NAV3: variants seen among roughly 807,000 people sequenced by gnomAD.
The protein encoded by NAV3 is pore membrane and/or filament interacting like protein 1.
Under a neutral mutation model 244.7 loss-of-function variants are expected in NAV3, and 87 were observed. The ratio of observed to expected loss-of-function variants is 0.36; its 90% CI spans 0.30 to 0.42. The LOEUF (loss-of-function observed/expected upper bound fraction) is 0.42. NAV3 is among the 20% of genes least tolerant of loss of function. The probability of loss-of-function intolerance (pLI) is 1.00; values close to 1 mark genes in which losing one functional copy is unlikely to be tolerated. For missense variants in NAV3, 2,663 were observed against 2,893.3 expected, an observed-to-expected ratio of 0.92 and a Z score of 1.83; for synonymous variants, 1,126 against 1,042.2, an observed-to-expected ratio of 1.08 and a Z score of -1.55.
At chr12:78,029,524 T>C (rs188606659) in intron 9 of NAV3, among the ~76,000 whole-genome samples, 49 of 152,288 alleles carry the variant, frequency 3.2e-4, no homozygotes, top group African/African-American at 1.1e-3. Context: ...AGCAGATGAC[T>C]CTGGGGTAAA....
At chr12:77,641,087 C>T (rs1192170364) in intron 2 of NAV3, among the ~76,000 whole-genome samples, 2 of 152,058 alleles carry the variant, frequency 1.3e-5, no homozygotes, top group African/African-American at 2.4e-5. Flanking sequence ...CATTCCTATG[C>T]CTCTCTGGGC....
At chr12:78,104,448 T>C (rs1954699232) in intron 12 of NAV3, among the ~76,000 whole-genome samples, 1 of 152,218 alleles carries the variant, frequency 6.6e-6, no homozygotes, top group Admixed American at 6.5e-5. Flanking sequence ...CAAAAGTCCT[T>C]GAATGTATAA....
At position 77,963,530 on chromosome 12, in the gene NAV3, A is replaced by T. The variant is rs183409170; in HGVS notation, c.415-2699A>T. 5.0e-4 allele frequency among the ~76,000 whole-genome samples: 76 copies of T among 152,320 alleles called. 1 individual carries two copies. The East Asian group carries it at 0.011, about 21-fold the overall frequency. On this transcript the variant is annotated intron_variant, in intron 3 of 39. Transcript: ENST00000397909. ...TGAAAGTCATGTTTATTATGCTGAT[A>T]CATTGTGAGAAAATAAATTTTGGTA...
intron 1 of NAV3, among the ~76,000 whole-genome samples, chr12:77,897,900 T>C (rs1464085830): frequency 6.6e-6 from 1 of 152,196 alleles, no homozygotes; most frequent in Non-Finnish European, 1.5e-5. Flanking sequence ...TCTCATAGTC[T>C]TTTGTTTCTT....
chr12:77,667,529 A>G (rs926401291), intron 2 of NAV3, among the ~76,000 whole-genome samples: 3 of 152,044 alleles, frequency 2.0e-5, no homozygotes, highest in Non-Finnish European at 4.4e-5. Context: ...AGGCAGCCAT[A>G]ATACCACTGG....
At chr12:77,884,284 C>A (rs1282846754) in intron 1 of NAV3, among the ~76,000 whole-genome samples, 3 of 152,022 alleles carry the variant, frequency 2.0e-5, no homozygotes, top group Non-Finnish European at 4.4e-5. Context: ...GATTGATTGA[C>A]AGATAGATTG....
At chr12:77,847,276 T>C (rs1876799956) in intron 1 of NAV3, among the ~76,000 whole-genome samples, 1 of 152,230 alleles carries the variant, frequency 6.6e-6, no homozygotes, top group Admixed American at 6.5e-5. Flanking sequence ...TTCAAAAATA[T>C]GTTTTTAAAG....
At chr12:77,601,909 G>A (rs1565732308) in intron 2 of NAV3, among the ~76,000 whole-genome samples, 1 of 151,948 alleles carries the variant, frequency 6.6e-6, no homozygotes, top group Non-Finnish European at 1.5e-5. Context: ...TTGAAGGTAG[G>A]GGATGAAGTT....
chr12:77,662,145 T>A (rs1873479588), intron 2 of NAV3, among the ~76,000 whole-genome samples: 1 of 151,972 alleles, frequency 6.6e-6, no homozygotes, highest in Non-Finnish European at 1.5e-5. Flanking sequence ...GAGAATGACA[T>A]CTTAACGATA....
At chr12:78,114,782 C>A (rs757668675) in intron 12 of NAV3, among the ~76,000 whole-genome samples, 1 of 151,934 alleles carries the variant, frequency 6.6e-6, no homozygotes, top group Non-Finnish European at 1.5e-5. Context: ...ATTTGAGCAA[C>A]CACAAATGAC....
rs556315989 is a variant in NAV3, at chr12:77,780,523, G to T, written c.73-159796G>T. 7.9e-5 allele frequency among the ~76,000 whole-genome samples: 12 copies of T among 152,254 alleles called. No individual in the cohort carries two copies. The East Asian group carries it at 2.1e-3, about 27-fold the overall frequency. On this transcript the variant is annotated intron_variant, in intron 2 of 8. Coordinates refer to the NAV3 transcript ENST00000550042. The stretch of plus-strand genomic sequence containing the variant: ...TTGTTTCAACCCCACTGAAACAAAA[G>T]GCAGGAGAGGTTTTAAGCTCAGATG...
intron 39 of NAV3, 53 bp from the exon 40 acceptor site, chr12:78,210,345 C>G (rs1043244148): frequency 1.2e-6 from 2 of 1,608,234 alleles, no homozygotes; most frequent in African/African-American, 1.3e-5. Flanking sequence ...TTTTTATGGG[C>G]TGGCTTACTC....
At chr12:77,688,723 G>C (rs1874870218) in intron 2 of NAV3, among the ~76,000 whole-genome samples, 3 of 151,872 alleles carry the variant, frequency 2.0e-5, no homozygotes. Flanking sequence ...GTGTAAATGA[G>C]AGTTAGATTG....
intron 1 of NAV3, among the ~76,000 whole-genome samples, chr12:77,912,751 C>T (rs1387574155): frequency 7.9e-5 from 12 of 152,042 alleles, no homozygotes; most frequent in African/African-American, 2.2e-4. Context: ...CTGCCTCAGC[C>T]TCCCAAGTAG....
intron 2 of NAV3, among the ~76,000 whole-genome samples, chr12:77,812,598 A>T (rs1032010151): frequency 5.3e-5 from 8 of 151,786 alleles, no homozygotes; most frequent in Non-Finnish European, 1.2e-4. Context: ...TCTCGTTAGT[A>T]GAGATGAGGT....
At chr12:78,209,579 G>A (rs1960688979) in intron 39 of NAV3, among the ~76,000 whole-genome samples, 1 of 151,274 alleles carries the variant, frequency 6.6e-6, no homozygotes, top group South Asian at 2.1e-4. Context: ...TCTAACAGTG[G>A]AGCTCCAGAT....
At chr12:78,044,923 CT>C (rs1881509996) in intron 9 of NAV3, among the ~76,000 whole-genome samples, 1 of 152,162 alleles carries the variant, frequency 6.6e-6, no homozygotes, top group Non-Finnish European at 1.5e-5. Context: ...CACTTTATTT[CT>C]TTCTCTTGCC....
In NAV3 at chr12:78,074,015, T is replaced by A. The variant is rs1316138783; in HGVS notation, c.2636+14900T>A. Among the ~76,000 whole-genome samples, 3 of 152,206 alleles carry A rather than the reference T, an allele frequency of 2.0e-5. No homozygotes were observed. In the East Asian group the frequency reaches 5.8e-4, roughly 29 times the overall value. Reference sequence around the variant, plus strand: ...GTACAAATATATTATTGAAAAAATGTCTTAAATGTAGAAATATGTAAAGTC... The same window carrying A: ...GTACAAATATATTATTGAAAAAATGACTTAAATGTAGAAATATGTAAAGTC... On this transcript the variant is annotated intron_variant, in intron 12 of 39. Coordinates refer to ENST00000397909, the MANE Select transcript of NAV3 (RefSeq NM_001024383.2).
Position 77,659,625 on chromosome 12 carries a change from A to T in NAV3, c.72+87359A>T, listed in dbSNP as rs140305807. On this transcript the variant is annotated intron_variant, in intron 2 of 8. Transcript: ENST00000550042. Reference sequence around the variant, plus strand: ...CCATTACTGGGTATATACCCAAAGGACTATAAATCATACTGCTATAAAGAC... The same window carrying T: ...CCATTACTGGGTATATACCCAAAGGTCTATAAATCATACTGCTATAAAGAC... Among the ~76,000 whole-genome samples the T allele has an allele frequency of 9.2e-3, 1,402 of 152,294 alleles. 13 individuals are homozygous for T. The highest frequency in any genetic ancestry group is 0.026 in the African/African-American group (1,089 of 41,560).
Sources: allele counts gnomAD v4.1 joint callset (sites outside exome capture counted in the v4.1 genomes callset), GRCh38; gene constraint gnomAD v4.1.1; transcripts MANE v1.5; gene names NCBI Gene and HGNC (gene_info 2026-07-23, HGNC 2026-07-21).